Variants in DAPK1 observed in about 807,000 individuals in gnomAD.
The protein encoded by DAPK1 is death associated protein kinase 1.
Under a neutral mutation model 144.9 loss-of-function variants are expected in DAPK1, and 56 were observed. That is an observed-to-expected ratio of 0.39 (90% CI 0.31 to 0.48). The LOEUF (loss-of-function observed/expected upper bound fraction) is 0.48. Ranked by LOEUF, DAPK1 falls within the 20% of genes least tolerant of loss-of-function variation. The probability of loss-of-function intolerance (pLI) is 0.95; values close to 1 mark genes in which losing one functional copy is unlikely to be tolerated. For synonymous variants in DAPK1, 690 were observed against 749.0 expected (o/e 0.92, Z 1.29); for missense variants, 1,454 against 1,875.4 (o/e 0.78, Z 4.15).
intron 17 of DAPK1, chr9:87,657,437 T>A (rs1830664889): frequency 6.4e-6 from 1 of 155,096 alleles, no homozygotes; most frequent in Non-Finnish European, 1.4e-5. Context: ...AGAGACATGA[T>A]GTCATGGAAG....
intron 2 of DAPK1, among the ~76,000 whole-genome samples, chr9:87,598,959 A>G (rs1828418765): frequency 6.6e-6 from 1 of 152,218 alleles, no homozygotes; most frequent in South Asian, 2.1e-4. Context: ...GTTTTAATTA[A>G]TTAGAACACC....
chr9:87,528,354 A>G (rs1242663678), intron 2 of DAPK1, among the ~76,000 whole-genome samples: 1 of 151,592 alleles, frequency 6.6e-6, no homozygotes, highest in East Asian at 2.0e-4. Flanking sequence ...AGTAGCTGGG[A>G]TTACAGGTGT....
intron 2 of DAPK1, among the ~76,000 whole-genome samples, chr9:87,541,998 T>C (rs1197010486): frequency 6.6e-6 from 1 of 152,230 alleles, no homozygotes; most frequent in Non-Finnish European, 1.5e-5. Context: ...ATCCTCAGAT[T>C]GTTTTAGACC....
chr9:87,504,869 A>G (rs1824529993), intron 2 of DAPK1, among the ~76,000 whole-genome samples: 1 of 152,222 alleles, frequency 6.6e-6, no homozygotes, highest in Admixed American at 6.5e-5. Flanking sequence ...TATAATGTTT[A>G]GGGAATAATA....
chr9:87,504,774 GATGTAATCTTCCCAT>G (rs1251476336), intron 2 of DAPK1, among the ~76,000 whole-genome samples: 1 of 152,114 alleles, frequency 6.6e-6, no homozygotes, highest in Non-Finnish European at 1.5e-5. Context: ...GCATATAACT[GATGTAATCTTCCCAT>G]ATATCTTAAA....
At chr9:87,673,121 GC>G (rs899401798) in intron 19 of DAPK1, among the ~76,000 whole-genome samples, 1 of 152,092 alleles carries the variant, frequency 6.6e-6, no homozygotes, top group African/African-American at 2.4e-5. Context: ...CTTGTCCCTG[GC>G]CTCCAAGCAT....
chr9:87,511,541 G>T (rs188762341), intron 2 of DAPK1, among the ~76,000 whole-genome samples: 37 of 152,290 alleles, frequency 2.4e-4, no homozygotes, highest in African/African-American at 8.2e-4. Context: ...CAGCAAGAAG[G>T]CTGCTTGGAA....
At chr9:87,518,985 C>A (rs1414237379) in intron 2 of DAPK1, among the ~76,000 whole-genome samples, 2 of 152,050 alleles carry the variant, frequency 1.3e-5, no homozygotes, top group East Asian at 3.9e-4. Flanking sequence ...CTGCTCTGAG[C>A]AGATTAGAAC....
In DAPK1 at chr9:87,697,175, A is replaced by G; in HGVS notation, c.2582A>G (p.Lys861Arg). 2.5e-6 allele frequency: 4 copies of G among 1,577,684 alleles called. No homozygotes were observed. The highest frequency in any genetic ancestry group is 3.5e-6 in the Non-Finnish European group (4 of 1,146,762). ...GTGATTTTCTGGCTCAGTTTCCTGA[A>G]GTCCCTTGTCCCAGTTGAAGAACCC... is the stretch of plus-strand genomic sequence containing the variant. ...NQVIFWLSFL[K>R]SLVPVEEPIA... The change falls in exon 22 of 26, where the codon AAG becomes AGG. Residue 861 changes from lysine (K) to arginine (R), a missense_variant. Around this residue, in one of 2 missense-constraint regions of DAPK1, gnomAD observed 1,025 missense variants for 1,237.9 expected, o/e 0.83. Coordinates refer to ENST00000408954, the MANE Select transcript of DAPK1 (RefSeq NM_004938.4).
At chr9:87,694,962 C>T (rs189592187) in intron 21 of DAPK1, among the ~76,000 whole-genome samples, 1 of 152,308 alleles carries the variant, frequency 6.6e-6, no homozygotes, top group East Asian at 1.9e-4. Context: ...TCTCAGGGCC[C>T]ACATGGGTGA....
At chr9:87,614,220 T>G (rs1829020564) in intron 3 of DAPK1, among the ~76,000 whole-genome samples, 1 of 152,164 alleles carries the variant, frequency 6.6e-6, no homozygotes, top group African/African-American at 2.4e-5. Flanking sequence ...TTCTGCACGG[T>G]CTTAAGAAAA....
In DAPK1 at chr9:87,698,688, G is replaced by A. The variant is rs764626783; in HGVS notation, c.2644G>A (p.Val882Ile). The A allele has an allele frequency of 5.6e-6, 9 of 1,605,716 alleles. No homozygotes were observed. Among genetic ancestry groups the A allele is most frequent in the Non-Finnish European group, 7.7e-6 (9 of 1,172,368 alleles). The change falls in exon 23 of 26, where the codon GTT becomes ATT. Residue 882 changes from valine (V) to isoleucine (I), a missense_variant. Physicochemically the swap from Val to Ile is conservative, Grantham distance 29. This residue lies in a region of DAPK1 where 1,025 missense variants were observed against 1,237.9 expected (regional missense o/e 0.83). Coordinates refer to ENST00000408954, the MANE Select transcript of DAPK1 (RefSeq NM_004938.4). Reference sequence around the variant, plus strand: ...TGGCAAGCTGAAGAACCCACTCCAAGTTGTCCTGGTGGCCACCCACGCTGA... The same window carrying A: ...TGGCAAGCTGAAGAACCCACTCCAAATTGTCCTGGTGGCCACCCACGCTGA... Reference protein sequence around the residue: ...FGGKLKNPLQVVLVATHADIM... With the variant: ...FGGKLKNPLQIVLVATHADIM...
At chr9:87,558,603 G>A (rs140779805) in intron 2 of DAPK1, among the ~76,000 whole-genome samples, 108 of 152,128 alleles carry the variant, frequency 7.1e-4, no homozygotes, top group Non-Finnish European at 4.0e-4. Context: ...ACAATTCCTC[G>A]ATACTAGCTG....
At chr9:87,547,908 A>G (rs570212385) in intron 2 of DAPK1, among the ~76,000 whole-genome samples, 4 of 152,296 alleles carry the variant, frequency 2.6e-5, no homozygotes, top group East Asian at 1.9e-4. Context: ...CATCTAGAAT[A>G]ATGTTTGGCC....
chr9:87,512,730 G>T (rs932209642), intron 2 of DAPK1, among the ~76,000 whole-genome samples: 10 of 152,016 alleles, frequency 6.6e-5, no homozygotes, highest in Non-Finnish European at 1.2e-4. Flanking sequence ...TGCAACCTCC[G>T]CCTTCCAGGT....
intron 3 of DAPK1, among the ~76,000 whole-genome samples, chr9:87,617,771 A>G (rs1294347909): frequency 6.6e-6 from 1 of 152,080 alleles, no homozygotes; most frequent in East Asian, 1.9e-4. Context: ...TTCCTCCAAG[A>G]CGGGTCTCCC....
intron 2 of DAPK1, among the ~76,000 whole-genome samples, chr9:87,514,083 C>T (rs542025965): frequency 2.6e-5 from 4 of 152,278 alleles, no homozygotes; most frequent in African/African-American, 9.6e-5. Flanking sequence ...TTCCCCCACC[C>T]TCTGTAGAGA....
chr9:87,589,902 A>T (rs1247143618), intron 2 of DAPK1, among the ~76,000 whole-genome samples: 1 of 152,196 alleles, frequency 6.6e-6, no homozygotes, highest in Non-Finnish European at 1.5e-5. Context: ...TTCACATTTC[A>T]TCCACCAAAA....
At position 87,637,940 on chromosome 9, in the gene DAPK1, C is replaced by T. The variant is rs1366333633; in HGVS notation, c.285-3C>T. ...CCAATAACCTCTGCTTCCGGGTTCT[C>T]AGCGTTGCAGGTGGCGAGCTGTTTG... On this transcript the variant is annotated splice_region_variant and splice_polypyrimidine_tract_variant and intron_variant, in intron 3 of 25. Transcript: ENST00000408954. 1.9e-6 allele frequency: 3 copies of T among 1,613,268 alleles called. No individual in the cohort carries two copies. The highest frequency in any genetic ancestry group is 2.5e-6 in the Non-Finnish European group (3 of 1,179,408).
Sources: allele counts gnomAD v4.1 joint callset (sites outside exome capture counted in the v4.1 genomes callset), GRCh38; gene constraint gnomAD v4.1.1; regional missense constraint gnomAD v4.1.1; transcripts MANE v1.5; gene names NCBI Gene and HGNC (gene_info 2026-07-23, HGNC 2026-07-21).